Variants in RNF17 observed in about 807,000 individuals in gnomAD.
RNF17 encodes ring finger protein 17, also known as spermatogenesis associated 23.
In RNF17, 31 loss-of-function variants were observed where a neutral mutation model predicts 200.5. That is an observed-to-expected ratio of 0.15 (90% confidence interval 0.12 to 0.21). The LOEUF is 0.21. RNF17 is among the 10% of genes least tolerant of loss of function. The pLI, the probability that RNF17 is intolerant of heterozygous loss-of-function variation, is 1.00. For missense variants in RNF17, 1,628 were observed against 1,905.1 expected, an observed-to-expected ratio of 0.85 and a Z score of 2.71; for synonymous variants, 606 against 637.8, an observed-to-expected ratio of 0.95 and a Z score of 0.75.
In RNF17 at chr13:24,861,406, G is replaced by T; in HGVS notation, c.3894+19G>T. 7.0e-7 allele frequency: 1 copy of T among 1,419,634 alleles called. No individual in the cohort carries two copies. The highest frequency in any genetic ancestry group is 1.5e-5 in the South Asian group (1 of 64,792). The allele number at this position is 1,419,634 out of a possible 1,614,324, so 87.9% of individuals were successfully genotyped here. A position where few individuals can be genotyped will look rare whatever the true frequency, so the allele number is the denominator to read the frequency against. On this transcript the variant is annotated intron_variant, in intron 27 of 35. Transcript: ENST00000255324. The stretch of plus-strand genomic sequence containing the variant: ...CACACCTGTGAGTACATAATAATTT[G>T]TGGAATGATTAATTTTAAATATTAG...
Position 24,842,287 on chromosome 13 carries a change from C to T in RNF17, c.2603+126C>T, listed in dbSNP as rs905246807. 1.6e-5 allele frequency: 12 copies of T among 761,348 alleles called. No individual in the cohort carries two copies. In the African/African-American group the frequency reaches 2.0e-4, roughly 13 times the overall value. 47.2% of individuals were successfully genotyped at this position (761,348 alleles called of 1,614,324 possible). On this transcript the variant is annotated intron_variant, in intron 19 of 35. Transcript: ENST00000255324. ...TTAGACTGTAGACCTGAGAATTTTCCCTGTCCTGGACCAGAAAAAATAGAA... is the reference window on the plus strand; with the variant it reads ...TTAGACTGTAGACCTGAGAATTTTCTCTGTCCTGGACCAGAAAAAATAGAA...
At chr13:24,878,792 C>T (rs527933684) in intron 34 of RNF17, among the ~76,000 whole-genome samples, 1 of 151,686 alleles carries the variant, frequency 6.6e-6, no homozygotes, top group East Asian at 1.9e-4. Flanking sequence ...CTGAAAACAC[C>T]CTCACAGACA....
At chr13:24,883,822 G>T, downstream of RNF17, 1 of 889,658 alleles carries the variant, frequency 1.1e-6, no homozygotes, top group Non-Finnish European at 1.9e-6. Flanking sequence ...TGACTGACAT[G>T]CCTGTGGGAC....
chr13:24,866,054 A>G, intron 29 of RNF17, 90 bp from the exon 30 acceptor site: 1 of 722,842 alleles, frequency 1.4e-6, no homozygotes, highest in Non-Finnish European at 2.4e-6. Context: ...CAACAAGGAA[A>G]TGCACCCAGT....
chr13:24,873,112 G>A (rs1216090551), intron 32 of RNF17, among the ~76,000 whole-genome samples: 3 of 152,156 alleles, frequency 2.0e-5, no homozygotes, highest in African/African-American at 7.2e-5. Context: ...GCAAATGAAA[G>A]GACAGAATGG....
intron 15 of RNF17, among the ~76,000 whole-genome samples, chr13:24,812,464 G>A (rs187295250): frequency 0.02 from 3,025 of 151,652 alleles, 99 homozygotes; most frequent in African/African-American, 0.07. Context: ...GACCCCTTGC[G>A]CTTCCCGAGT....
intron 11 of RNF17, 108 bp downstream of exon 11, chr13:24,796,403 A>C: frequency 1.6e-6 from 1 of 639,328 alleles, no homozygotes; most frequent in Non-Finnish European, 2.4e-6. Context: ...CTCTAAGTTC[A>C]TTTGTAGTAA....
At chr13:24,818,519 T>C (rs1887669211) in intron 15 of RNF17, among the ~76,000 whole-genome samples, 1 of 152,174 alleles carries the variant, frequency 6.6e-6, no homozygotes, top group Non-Finnish European at 1.5e-5. Context: ...GTCTATTTTT[T>C]CCTTCAATTC....
At position 24,825,639 on chromosome 13, in the gene RNF17, A is replaced by G; in HGVS notation, c.2112A>G (p.Leu704=). The change falls in exon 16 of 36, where the codon TTA becomes TTG. Residue 704 remains leucine, a synonymous_variant. Transcript: ENST00000255324. ...YLQLIEGLDI[L]FLLKTIEEFY... The stretch of plus-strand genomic sequence containing the variant: ...ACTAGATAGAGGGCCTGGATATTTT[A>G]TTTCTATTAAAGACAATCGAGGAAT... The G allele has an allele frequency of 6.3e-7, 1 of 1,598,414 alleles. No homozygotes were observed. The highest frequency in any genetic ancestry group is 8.6e-7 in the Non-Finnish European group (1 of 1,166,240).
At chr13:24,818,663 T>C (rs922348332) in intron 15 of RNF17, among the ~76,000 whole-genome samples, 4 of 152,164 alleles carry the variant, frequency 2.6e-5, no homozygotes, top group African/African-American at 9.6e-5. Context: ...ATTTTTTATT[T>C]AAAGTCTGTT....
At chr13:24,852,237 C>G (rs550130034) in intron 24 of RNF17, among the ~76,000 whole-genome samples, 13 of 151,082 alleles carry the variant, frequency 8.6e-5, no homozygotes, top group Admixed American at 7.3e-4. Context: ...CTCCCAGGTT[C>G]ACGCCATTCT....
chr13:24,872,694 G>T (rs572684039), intron 32 of RNF17, among the ~76,000 whole-genome samples: 1 of 152,198 alleles, frequency 6.6e-6, no homozygotes, highest in Non-Finnish European at 1.5e-5. Flanking sequence ...GTGTAATGCC[G>T]TAGGATCACA....
chr13:24,815,459 G>A (rs1279074939), intron 15 of RNF17, among the ~76,000 whole-genome samples: 1 of 149,526 alleles, frequency 6.7e-6, no homozygotes, highest in Admixed American at 6.6e-5. Flanking sequence ...GTGTGTGTGT[G>A]TGTGTGTGTG....
chr13:24,784,445 A>G (rs1472412214), intron 6 of RNF17, among the ~76,000 whole-genome samples: 4 of 152,144 alleles, frequency 2.6e-5, no homozygotes, highest in East Asian at 1.9e-4. Context: ...GTTTGGTTCA[A>G]TTTACCAGTA....
At position 24,799,473 on chromosome 13, in the gene RNF17, G is replaced by C. The variant is rs1261290052; in HGVS notation, c.1478G>C (p.Gly493Ala). ...GTITELIPIE[G>A]RNTRKPCSPT... ...ATCACAGAATTAATTCCAATAGAGG[G>C]TAGAAATACCAGAAAACCTTGTAGT... Residue 493 changes from glycine to alanine, a missense_variant, in exon 12 of 36, where the codon GGT (glycine) becomes GCT (alanine). Gly to Ala is a moderately conservative substitution (Grantham distance 60). This residue lies in a region of RNF17 where 289 missense variants were observed against 384.9 expected (regional missense o/e 0.75). Coordinates refer to ENST00000255324, the MANE Select transcript of RNF17 (RefSeq NM_031277.3). 1.9e-6 allele frequency: 3 copies of C among 1,609,862 alleles called. No homozygotes were observed. Among genetic ancestry groups the C allele is most frequent in the Admixed American group, 1.7e-5 (1 of 59,952 alleles).
In RNF17 at chr13:24,767,376, A is replaced by G; in HGVS notation, c.225+10A>G. The G allele has an allele frequency of 6.6e-7, 1 of 1,520,284 alleles. No individual in the cohort carries two copies. The highest frequency in any genetic ancestry group is 1.7e-4 in the Middle Eastern group (1 of 5,872). The allele number at this position is 1,520,284 out of a possible 1,614,324, so 94.2% of individuals were successfully genotyped here. Reference sequence around the variant, plus strand: ...ATGCCCTGATTGTGAGGTAAGTGTTATAATTTTTCAGATGAAACATATCAC... The same window carrying G: ...ATGCCCTGATTGTGAGGTAAGTGTTGTAATTTTTCAGATGAAACATATCAC... On this transcript the variant is annotated intron_variant, in intron 2 of 35. Coordinates refer to ENST00000255324, the MANE Select transcript of RNF17 (RefSeq NM_031277.3).
intron 15 of RNF17, among the ~76,000 whole-genome samples, chr13:24,825,279 G>A (rs1456469406): frequency 2.0e-5 from 3 of 151,930 alleles, no homozygotes; most frequent in Non-Finnish European, 4.4e-5. Context: ...AATAGAACAA[G>A]TGAGAAATGA....
chr13:24,861,121 C>T (rs372671762), intron 26 of RNF17, 147 bp from the exon 27 acceptor site: 2 of 563,058 alleles, frequency 3.6e-6, no homozygotes, highest in East Asian at 3.6e-5. Context: ...TCAAACAATC[C>T]ACCCACCTCT....
the RNF17 span, among the ~76,000 whole-genome samples, chr13:24,887,039 T>G: frequency 1.3e-4 from 19 of 151,912 alleles, no homozygotes; most frequent in African/African-American, 4.6e-4. Flanking sequence ...ACAGGAAAAC[T>G]GGGGACAGTG....
Sources: gnomAD v4.1 joint callset for allele counts (sites outside exome capture counted in the v4.1 genomes callset) on GRCh38, gnomAD v4.1.1 for gene constraint, gnomAD v4.1.1 regional missense constraint, MANE v1.5 for transcripts, NCBI Gene and HGNC (gene_info 2026-07-23, HGNC 2026-07-21) for gene names.